The following BRCC3 variants were observed in gnomAD, a reference collection of about 807,000 sequenced individuals.
The protein encoded by BRCC3 is lys-63-specific deubiquitinase BRCC36.
BRCC3 carries 15 observed loss-of-function variants against 28.0 expected under a neutral mutation model. The observed-to-expected ratio is 0.54, with a 90% CI of 0.36 to 0.82. BRCC3 has a LOEUF of 0.82. Among genes scored for constraint, BRCC3 ranks in the 40% least tolerant of loss-of-function variants. BRCC3 has a pLI of 0.01. For missense variants in BRCC3, 109 were observed against 225.9 expected (o/e 0.48, Z 3.32); for synonymous variants, 66 against 80.3 (o/e 0.82, Z 0.95).
chrX:155,088,381 T>G (rs1466655577), intron 5 of BRCC3, among the ~76,000 whole-genome samples: 1 of 104,985 alleles, frequency 9.5e-6, no homozygotes, highest in East Asian at 2.9e-4. Context: ...GAGACGGAGT[T>G]TTGCTCTCGT....
At chrX:155,099,318 C>T in intron 7 of BRCC3, 1 of 1,208,638 alleles carries the variant, frequency 8.3e-7, no homozygotes, top group Non-Finnish European at 1.1e-6. Context: ...TCCTAAGGTC[C>T]CTTCATGGTC....
rs1465986727 is a variant in BRCC3, at chrX:155,121,438, A to G, written c.*234A>G. 3 of 112,188 alleles carry G rather than the reference A, an allele frequency of 2.7e-5. No homozygotes were observed. Among genetic ancestry groups the G allele is most frequent in the African/African-American group, 9.7e-5 (3 of 30,841 alleles). The allele number at this position is 112,188 out of a possible 1,213,427, so 9.2% of individuals were successfully genotyped here. A position where few individuals can be genotyped will look rare whatever the true frequency, so the allele number is the denominator to read the frequency against. The stretch of plus-strand genomic sequence containing the variant: ...TAAATATGCTCAGCTGATTTTGAAA[A>G]AGTGAAAAAGCAATTCAATGGAGGA... On this transcript the variant is annotated 3_prime_UTR_variant, in exon 11 of 11. Transcript: ENST00000330045.
intron 7 of BRCC3, among the ~76,000 whole-genome samples, chrX:155,094,456 C>T (rs1470533819): frequency 9.1e-6 from 1 of 110,429 alleles, no homozygotes; most frequent in African/African-American, 3.3e-5. Flanking sequence ...TGAAGGAACA[C>T]AAGAGAGTAG....
chrX:155,094,372 T>G lies in BRCC3; in HGVS notation c.548+3533T>G, dbSNP rs782030504. 2.6e-4 allele frequency among the ~76,000 whole-genome samples: 29 copies of G among 109,977 alleles called. No individual in the cohort carries two copies. The South Asian group carries it at 5.3e-3, about 20-fold the overall frequency. On this transcript the variant is annotated intron_variant, in intron 7 of 10. Coordinates refer to ENST00000330045, the MANE Select transcript of BRCC3 (RefSeq NM_001018055.3). ...TGCTGTTACTGCAAATGATAATGAT[T>G]ATTATTATTATTATTTTGATAAAAG...
intron 5 of BRCC3, among the ~76,000 whole-genome samples, chrX:155,083,556 A>G (rs1164864539): frequency 8.9e-6 from 1 of 111,834 alleles, no homozygotes; most frequent in Non-Finnish European, 1.9e-5. Flanking sequence ...CTTTGCCACT[A>G]TACTGGATTC....
At position 155,071,549 on chromosome X, in the gene BRCC3, G is replaced by T. The variant is rs1557292566; in HGVS notation, c.22G>T (p.Ala8Ser). 1.7e-6 allele frequency: 2 copies of T among 1,200,323 alleles called. No individual in the cohort carries two copies. Among genetic ancestry groups the T allele is most frequent in the South Asian group, 1.8e-5 (1 of 56,001 alleles). The change falls in exon 1 of 11, where the codon GCG (alanine) becomes TCG (serine). Residue 8 changes from alanine (A) to serine (S), a missense_variant. Physicochemically the swap from Ala to Ser is moderately conservative, Grantham distance 99. Around this residue, in one of 3 missense-constraint regions of BRCC3, gnomAD observed 58 missense variants for 92.8 expected, o/e 0.63. Coordinates refer to ENST00000330045, the MANE Select transcript of BRCC3 (RefSeq NM_001018055.3). ...CAAGATGGCGGTGCAGGTGGTGCAG[G>T]CGGTGCAGGCGGTTCATCTCGAGTC... MAVQVVQAVQAVHLESDA... is the reference protein window; with the variant it reads MAVQVVQSVQAVHLESDA...
chrX:155,082,252 A>T, intron 5 of BRCC3, among the ~76,000 whole-genome samples: 1 of 112,447 alleles, frequency 8.9e-6, no homozygotes, highest in South Asian at 3.7e-4. Context: ...GTAGCAACAT[A>T]CATGTACACA....
intron 9 of BRCC3, among the ~76,000 whole-genome samples, chrX:155,119,453 C>T (rs901853858): frequency 8.9e-6 from 1 of 112,294 alleles, no homozygotes; most frequent in African/African-American, 3.2e-5. Flanking sequence ...TGAAGCTGAA[C>T]AGTCACAGTA....
intron 7 of BRCC3, among the ~76,000 whole-genome samples, chrX:155,109,155 G>A (rs782389958): frequency 9.0e-6 from 1 of 111,589 alleles, no homozygotes; most frequent in South Asian, 3.7e-4. Context: ...GACTCTAGGC[G>A]AATTCTGTTT....
intron 7 of BRCC3, among the ~76,000 whole-genome samples, chrX:155,113,921 C>G (rs1243762735): frequency 9.0e-6 from 1 of 111,415 alleles, no homozygotes; most frequent in Non-Finnish European, 1.9e-5. Flanking sequence ...CAATGAGATA[C>G]CACCTCACAC....
intron 7 of BRCC3, among the ~76,000 whole-genome samples, chrX:155,102,132 A>G (rs186980570): frequency 2.7e-5 from 3 of 112,497 alleles, no homozygotes; most frequent in Non-Finnish European, 3.8e-5. Flanking sequence ...ACATTTGTAT[A>G]TAGGTCTTGG....
At chrX:155,093,442 T>C (rs1557295878) in intron 7 of BRCC3, among the ~76,000 whole-genome samples, 6 of 109,409 alleles carry the variant, frequency 5.5e-5, no homozygotes. Flanking sequence ...ATGACTTAAA[T>C]AAAACTACAC....
At chrX:155,075,368 CTCCACACCTTTTTTG>C in intron 3 of BRCC3, among the ~76,000 whole-genome samples, 1 of 111,406 alleles carries the variant, frequency 9.0e-6, no homozygotes, top group African/African-American at 3.3e-5. Context: ...TGCTCCCTTT[CTCCACACCTTTTTTG>C]TCCACTCATA....
At chrX:155,076,661 C>T (rs1557293687) in intron 3 of BRCC3, among the ~76,000 whole-genome samples, 3 of 111,354 alleles carry the variant, frequency 2.7e-5, no homozygotes, top group African/African-American at 9.8e-5. Flanking sequence ...TCCACCCCTA[C>T]AATCCAATCA....
rs140054461 is a variant in BRCC3, at chrX:155,107,037, C to T, written c.549-9020C>T. Among the ~76,000 whole-genome samples, 544 of 111,407 alleles carry T rather than the reference C, an allele frequency of 4.9e-3. 3 individuals carry two copies. The highest frequency in any genetic ancestry group is 0.016 in the African/African-American group (507 of 30,739). On this transcript the variant is annotated intron_variant, in intron 7 of 10. Transcript: ENST00000330045. ...TCTTTTTTCCCTTGGTTATGTTAGC[C>T]AGTGGTGTGTCAATTTTGTTATTTT...
rs369107827 is a variant in BRCC3, at chrX:155,077,665, T to G, written c.315+376T>G. The stretch of plus-strand genomic sequence containing the variant: ...TCTTGGTCTCTATCCTCTTGAGAGA[T>G]TCTCTTTTGTGACTTCCTCTCAAAA... On this transcript the variant is annotated intron_variant, in intron 4 of 10. Transcript: ENST00000330045. Among the ~76,000 whole-genome samples the G allele has an allele frequency of 5.4e-5, 6 of 111,884 alleles. No homozygotes were observed. In the East Asian group the frequency reaches 1.4e-3, roughly 26 times the overall value.
intron 7 of BRCC3, among the ~76,000 whole-genome samples, chrX:155,109,137 T>A (rs1427377396): frequency 8.9e-6 from 1 of 111,760 alleles, no homozygotes; most frequent in Non-Finnish European, 1.9e-5. Flanking sequence ...TATATGATTA[T>A]GTTTCTGGAC....
chrX:155,079,035 A>T (rs1159294119), intron 5 of BRCC3: 1 of 163,959 alleles, frequency 6.1e-6, no homozygotes, highest in Non-Finnish European at 1.1e-5. Context: ...GTTGCTGTTT[A>T]CGTATAGTCC....
chrX:155,073,245 C>A, intron 2 of BRCC3, 132 bp from the exon 3 acceptor site: 1 of 711,209 alleles, frequency 1.4e-6, no homozygotes, highest in Non-Finnish European at 2.1e-6. Flanking sequence ...AGCCTCAATT[C>A]AGTTTCCCTC....
Sources: gnomAD v4.1 joint callset for allele counts (sites outside exome capture counted in the v4.1 genomes callset) on GRCh38, gnomAD v4.1.1 for gene constraint, gnomAD v4.1.1 regional missense constraint, MANE v1.5 for transcripts, NCBI Gene and HGNC (gene_info 2026-07-23, HGNC 2026-07-21) for gene names.